The following CFAP46 variants were observed in gnomAD, a reference collection of about 807,000 sequenced individuals.
CFAP46 encodes the protein cilia and flagella associated protein 46, also known as cilia- and flagella-associated protein 46.
CFAP46 carries 245 observed loss-of-function variants against 325.7 expected under a neutral mutation model. The observed-to-expected ratio is 0.75, with a 90% CI of 0.68 to 0.84. CFAP46 has a LOEUF of 0.84. CFAP46 is among the 40% of genes least tolerant of loss of function. CFAP46 has a pLI of 0.00. For synonymous variants in CFAP46, 1,523 were observed against 1,495.9 expected (o/e 1.02, Z -0.42); for missense variants, 3,346 against 3,543.0 (o/e 0.94, Z 1.41).
Position 132,808,463 on chromosome 10 carries a change from T to G in CFAP46, c.8106A>C (p.Leu2702Phe). The part of the protein sequence containing the change: ...LPLAALVLSC[L>F]DQKTIQTVSL... ...TCACGGTCTGAATAGTCTTCTGGTC[T>G]AAGCAACTCAGCACCAGCGCCGCCA... Residue 2702 changes from leucine to phenylalanine, a missense_variant, in exon 58 of 58, where the codon TTA becomes TTC. Coordinates refer to ENST00000368586, the MANE Select transcript of CFAP46 (RefSeq NM_001200049.3). The surrounding 1 kb of genome is among the most constrained non-coding windows in gnomAD (Gnocchi z 6.8). The G allele has an allele frequency of 6.2e-7, 1 of 1,613,218 alleles. No individual in the cohort carries two copies. Among genetic ancestry groups the G allele is most frequent in the Non-Finnish European group, 8.5e-7 (1 of 1,179,952 alleles).
chr10:132,825,190 C>CTG (rs1205743967), intron 50 of CFAP46, among the ~76,000 whole-genome samples: 2 of 123,422 alleles, frequency 1.6e-5, no homozygotes, highest in East Asian at 5.0e-4. Context: ...GTGCTGTGTG[C>CTG]TGTGTGCGCT....
rs74161909 is a variant in CFAP46 at position 132,809,482 on chromosome 10, C to T, written c.7665-578G>A. Among the ~76,000 whole-genome samples, 1,438 of 152,256 alleles carry T rather than the reference C, an allele frequency of 9.4e-3. 25 individuals are homozygous for T. Among genetic ancestry groups the T allele is most frequent in the African/African-American group, 0.033 (1,377 of 41,552 alleles). On this transcript the variant is annotated intron_variant, in intron 57 of 57. Coordinates refer to ENST00000368586, the MANE Select transcript of CFAP46 (RefSeq NM_001200049.3). ...CTGCCTTCCTCCTGCCCCTCGCTCC[C>T]TCTCTCCCCCAACAAGCAGGGATCC...
At chr10:132,852,427 T>G (rs111736924) in intron 39 of CFAP46, among the ~76,000 whole-genome samples, 4,888 of 57,726 alleles carry the variant, frequency 0.085, 1 homozygote, top group African/African-American at 0.12. Flanking sequence ...CTCCATTTAC[T>G]TAGGAATTCT....
rs909111680 is a variant in CFAP46, at chr10:132,909,023, G to A, written c.2757+114C>T. ...CCGTTGGGAGGTGGGGGAGAGCGGG[G>A]CAGAGTGGGGGTGAGCATGCACGAT... On this transcript the variant is annotated intron_variant, in intron 21 of 57. Coordinates refer to ENST00000368586, the MANE Select transcript of CFAP46 (RefSeq NM_001200049.3). The A allele has an allele frequency of 3.2e-5, 23 of 715,588 alleles. No individual in the cohort carries two copies. In the East Asian group the frequency reaches 5.4e-4, roughly 17 times the overall value. 44.3% of individuals were successfully genotyped at this position (715,588 alleles called of 1,614,324 possible). A position where few individuals can be genotyped will look rare whatever the true frequency, so the allele number is the denominator to read the frequency against.
At chr10:132,858,986 A>G (rs911669488) in intron 38 of CFAP46, 85 bp downstream of exon 38, 10 of 1,416,080 alleles carry the variant, frequency 7.1e-6, no homozygotes, top group Non-Finnish European at 8.6e-6. Flanking sequence ...GGGGTGAGCC[A>G]GGCCCAGAAG....
chr10:132,941,728 A>T lies in CFAP46; in HGVS notation c.175-6T>A, dbSNP rs1392821439. The T allele has an allele frequency of 1.2e-6, 2 of 1,613,892 alleles. No individual in the cohort carries two copies. Among genetic ancestry groups the T allele is most frequent in the Non-Finnish European group, 1.7e-6 (2 of 1,179,990 alleles). On this transcript the variant is annotated splice_polypyrimidine_tract_variant and splice_region_variant and intron_variant, in intron 2 of 57. Transcript: ENST00000368586. Reference sequence around the variant, plus strand: ...CTCACCTCTGGCTGCCTCATCTGCAAGAGAACACCACCACAGAAGATCACA... The same window carrying T: ...CTCACCTCTGGCTGCCTCATCTGCATGAGAACACCACCACAGAAGATCACA...
Position 132,880,938 on chromosome 10 carries a change from T to C in CFAP46, c.3722A>G (p.His1241Arg), listed in dbSNP as rs1392343551. The C allele has an allele frequency of 1.9e-6, 3 of 1,550,084 alleles. No homozygotes were observed. Among genetic ancestry groups the C allele is most frequent in the Admixed American group, 2.0e-5 (1 of 50,966 alleles). The stretch of plus-strand genomic sequence containing the variant: ...CAGGATCTCGACAGCCCAGCGGAGG[T>C]GGAAGACCACGTCCTCGAGAGGAAA... ...RHFPLEDVVF[H>R]LRWAVEILLA... is the part of the protein sequence containing the mutation. Residue 1241 changes from histidine (H) to arginine (R), a missense_variant, in exon 28 of 58, where the codon CAC (histidine) becomes CGC (arginine). Coordinates refer to ENST00000368586, the MANE Select transcript of CFAP46 (RefSeq NM_001200049.3).
chr10:132,885,807 G>A lies in CFAP46; in HGVS notation c.3443+14C>T, dbSNP rs113525277. On this transcript the variant is annotated intron_variant, in intron 26 of 57. Coordinates refer to ENST00000368586, the MANE Select transcript of CFAP46 (RefSeq NM_001200049.3). ...GTGGAGGGAGCACTCACAGGCGGTG[G>A]GGGGAGCACTCACAGGCGGTGGGCC... The A allele has an allele frequency of 1.3e-6, 2 of 1,540,362 alleles. No homozygotes were observed. The highest frequency in any genetic ancestry group is 2.5e-5 in the East Asian group (1 of 40,770).
chr10:132,843,788 G>A (rs1591047720), intron 44 of CFAP46, among the ~76,000 whole-genome samples: 2 of 104,902 alleles, frequency 1.9e-5, no homozygotes, highest in African/African-American at 7.5e-5. Context: ...CCAGGGTGCT[G>A]TGGGGCTCTG....
intron 50 of CFAP46, among the ~76,000 whole-genome samples, chr10:132,825,349 G>A (rs1176728347): frequency 7.2e-5 from 11 of 152,122 alleles, no homozygotes; most frequent in African/African-American, 2.2e-4. Context: ...TGTCCACCGC[G>A]CTGTGGGCTC....
chr10:132,867,254 G>A (rs1848828312), intron 34 of CFAP46, 121 bp downstream of exon 34: 1 of 1,233,178 alleles, frequency 8.1e-7, no homozygotes, highest in Non-Finnish European at 1.1e-6. Context: ...ACCCAGGCCG[G>A]CCCCTCACAC....
At position 132,899,074 on chromosome 10, in the gene CFAP46, C is replaced by T. The variant is rs1283309573; in HGVS notation, c.3104G>A (p.Arg1035Gln). 33 of 1,550,446 alleles carry T rather than the reference C, an allele frequency of 2.1e-5. No homozygotes were observed. In the South Asian group the frequency reaches 2.9e-4, roughly 13 times the overall value. Residue 1035 changes from arginine (R) to glutamine (Q), a missense_variant, in exon 24 of 58, where the codon CGG (arginine) becomes CAG (glutamine). Transcript: ENST00000368586. ...GSSALVMLAA[R>Q]HYWNAWLPLL... ...TGGGAGCCAGGCGTTCCAGTAATGC[C>T]GCGCGGCCAGCATCACCAGGGCGCT...
intron 20 of CFAP46, 34 bp from the exon 21 acceptor site, chr10:132,909,278 A>G: frequency 6.8e-7 from 1 of 1,460,982 alleles, no homozygotes. Context: ...GTATCAGCCC[A>G]AGCGTGCGGG....
intron 50 of CFAP46, among the ~76,000 whole-genome samples, chr10:132,821,779 A>G (rs1396715049): frequency 1.5e-5 from 1 of 68,312 alleles, no homozygotes. Flanking sequence ...GTGCTGTGTG[A>G]GTGCTGATGT....
At chr10:132,885,413 G>T in intron 26 of CFAP46, 127 bp from the exon 27 acceptor site, 1 of 982,042 alleles carries the variant, frequency 1.0e-6, no homozygotes, top group Non-Finnish European at 1.5e-6. Flanking sequence ...GAGCCCAGGT[G>T]AGCGGGGGTC....
intron 34 of CFAP46, among the ~76,000 whole-genome samples, chr10:132,866,560 C>T (rs1485061885): frequency 2.0e-5 from 3 of 152,334 alleles, no homozygotes; most frequent in South Asian, 2.1e-4. Flanking sequence ...GCTGTGCACC[C>T]GGCCTTGCTA....
At chr10:132,941,444 A>T in intron 3 of CFAP46, 147 bp downstream of exon 3, 1 of 1,103,164 alleles carries the variant, frequency 9.1e-7, no homozygotes, top group South Asian at 1.6e-5. Flanking sequence ...TGGACAGGAA[A>T]TGGTGCAAGT....
intron 55 of CFAP46, among the ~76,000 whole-genome samples, chr10:132,811,257 G>A (rs1354436379): frequency 5.9e-5 from 9 of 152,202 alleles, no homozygotes; most frequent in Admixed American, 2.6e-4. Context: ...GCCTCCTCCC[G>A]GCGACTGTGC....
Position 132,814,172 on chromosome 10 carries a change from C to T in CFAP46, c.7368G>A (p.Leu2456=). Residue 2456 remains leucine (L), a synonymous_variant, in exon 54 of 58, where the codon CTG becomes CTA. Coordinates refer to ENST00000368586, the MANE Select transcript of CFAP46 (RefSeq NM_001200049.3). ...DTFTSRWAGH[L]GSKHFPSQAQ... is the part of the protein sequence containing the mutation. ...CGAACCTGGGAAAGTGCTTGCTTCC[C>T]AGATGTCCCGCCCATCGCGACGTGA... The T allele has an allele frequency of 6.2e-7, 1 of 1,613,880 alleles. No homozygotes were observed.
Sources: allele counts gnomAD v4.1 joint callset (sites outside exome capture counted in the v4.1 genomes callset), GRCh38; gene constraint gnomAD v4.1.1; non-coding constraint Gnocchi (gnomAD v3.1); transcripts MANE v1.5; gene names NCBI Gene and HGNC (gene_info 2026-07-23, HGNC 2026-07-21).